Variants in CDC16 observed in about 807,000 individuals in gnomAD.
The protein encoded by CDC16 is cell division cycle 16.
A neutral mutation model predicts 87.0 loss-of-function variants in CDC16; 34 were observed. That is an observed-to-expected ratio of 0.39 (90% CI 0.30 to 0.52). The LOEUF (loss-of-function observed/expected upper bound fraction) is 0.52. Among genes scored for constraint, CDC16 ranks in the 20% least tolerant of loss-of-function variants. CDC16 has a pLI of 0.74. For synonymous variants in CDC16, 263 were observed against 260.6 expected, an observed-to-expected ratio of 1.01 and a Z score of -0.09; for missense variants, 653 against 751.9, an observed-to-expected ratio of 0.87 and a Z score of 1.54.
At chr13:114,238,715 G>T (rs1393503123) in intron 3 of CDC16, among the ~76,000 whole-genome samples, 1 of 152,152 alleles carries the variant, frequency 6.6e-6, no homozygotes, top group African/African-American at 2.4e-5. Context: ...GATGCTTTCT[G>T]TTGCCCCGTT....
intron 5 of CDC16, among the ~76,000 whole-genome samples, chr13:114,240,366 T>C (rs1356232456): frequency 1.3e-5 from 2 of 152,070 alleles, no homozygotes; most frequent in Admixed American, 6.5e-5. Flanking sequence ...CCCGCCACCA[T>C]GCCCGGCTAA....
chr13:114,241,637 G>A (rs563966578), intron 5 of CDC16, among the ~76,000 whole-genome samples: 18 of 152,314 alleles, frequency 1.2e-4, no homozygotes, highest in African/African-American at 4.3e-4. Context: ...GTGAATTGAA[G>A]AAGCTTTGCT....
intron 12 of CDC16, among the ~76,000 whole-genome samples, chr13:114,255,228 T>C (rs1338158201): frequency 2.6e-5 from 4 of 152,190 alleles, no homozygotes; most frequent in African/African-American, 9.7e-5. Context: ...AATTTTGTTT[T>C]TCAAAGAAGC....
At chr13:114,265,085 A>C (rs1233375078) in intron 16 of CDC16, 65 bp from the exon 17 acceptor site, 10 of 1,156,214 alleles carry the variant, frequency 8.6e-6, no homozygotes, top group South Asian at 6.1e-5. Context: ...TTTTGAAATG[A>C]ATCAGTGTGG....
intron 17 of CDC16, among the ~76,000 whole-genome samples, chr13:114,265,932 C>T (rs2083183467): frequency 6.6e-6 from 1 of 152,162 alleles, no homozygotes; most frequent in Non-Finnish European, 1.5e-5. Flanking sequence ...TCTCCTACCT[C>T]AGCCTCCTGA....
rs57962178 is a variant in CDC16 at position 114,245,271 on chromosome 13, CT to C, written c.847+314del. Reference sequence around the variant, plus strand: ...GGGTGTCAGTTCTGCCTCCCCCCCCCTTTTTTTTTTTTGTAAATTCCACTGG... The same window carrying C: ...GGGTGTCAGTTCTGCCTCCCCCCCCCTTTTTTTTTTTGTAAATTCCACTGG... On this transcript the variant is annotated intron_variant, in intron 9 of 17. Coordinates refer to ENST00000356221, the MANE Select transcript of CDC16 (RefSeq NM_001078645.3). Among the ~76,000 whole-genome samples the C allele has an allele frequency of 8.8e-3, 1,244 of 141,874 alleles. 13 individuals are homozygous for C. Among genetic ancestry groups the C allele is most frequent in the African/African-American group, 0.014 (561 of 38,954 alleles). 93.1% of individuals were successfully genotyped at this position (141,874 alleles called of 152,430 possible). A position where few individuals can be genotyped will look rare whatever the true frequency, so the allele number is the denominator to read the frequency against.
intron 12 of CDC16, among the ~76,000 whole-genome samples, chr13:114,253,655 C>T (rs974624819): frequency 1.3e-5 from 2 of 149,844 alleles, no homozygotes; most frequent in African/African-American, 2.5e-5. Context: ...CACCACTGCA[C>T]TCCAGCCTGG....
chr13:114,267,175 T>G (rs915673855), intron 17 of CDC16, among the ~76,000 whole-genome samples: 4 of 152,152 alleles, frequency 2.6e-5, no homozygotes, highest in Non-Finnish European at 4.4e-5. Flanking sequence ...GATGAAAATT[T>G]AGAGAATATC....
Position 114,265,231 on chromosome 13 carries a change from G to T in CDC16, c.1594G>T (p.Ala532Ser), listed in dbSNP as rs1236919400. 6.3e-7 allele frequency: 1 copy of T among 1,593,192 alleles called. No individual in the cohort carries two copies. The highest frequency in any genetic ancestry group is 1.1e-5 in the South Asian group (1 of 90,666). The change falls in exon 17 of 18, where the codon GCT becomes TCT. Residue 532 changes from alanine (A) to serine (S), a missense_variant. Physicochemically the swap from Ala to Ser is moderately conservative, Grantham distance 99. Coordinates refer to ENST00000356221, the MANE Select transcript of CDC16 (RefSeq NM_001078645.3). The stretch of plus-strand genomic sequence containing the variant: ...CGAAATGTACATTGGTGATTCTGAA[G>T]CTTATATTGGTAAGATAATCGTTAT... The part of the protein sequence containing the change: ...CIEMYIGDSE[A>S]YIGADIKDKL...
chr13:114,253,919 T>C (rs2082346842), intron 12 of CDC16, among the ~76,000 whole-genome samples: 2 of 152,212 alleles, frequency 1.3e-5, no homozygotes, highest in African/African-American at 4.8e-5. Context: ...TATTGTTGAA[T>C]TGTGTATTTC....
chr13:114,237,997 G>A (rs2081339745), intron 3 of CDC16, among the ~76,000 whole-genome samples: 1 of 152,210 alleles, frequency 6.6e-6, no homozygotes, highest in African/African-American at 2.4e-5. Context: ...TCTCCACTCT[G>A]CGTCTAATCC....
At chr13:114,271,480 G>T (rs1485645344) in intron 17 of CDC16, among the ~76,000 whole-genome samples, 2 of 150,950 alleles carry the variant, frequency 1.3e-5, no homozygotes, top group Non-Finnish European at 2.9e-5. Flanking sequence ...GCACAGCACA[G>T]TTCTTTTTTT....
chr13:114,240,177 T>C (rs2081473426), intron 5 of CDC16, among the ~76,000 whole-genome samples: 1 of 152,132 alleles, frequency 6.6e-6, no homozygotes, highest in South Asian at 2.1e-4. Flanking sequence ...CTGTAAGCCT[T>C]ACCTGACCTA....
Position 114,243,308 on chromosome 13 carries a change from A to C in CDC16, c.593A>C (p.Gln198Pro), listed in dbSNP as rs1337710224. ...LPLSKLCNEE[Q>P]ELLRFLFENK... Reference sequence around the variant, plus strand: ...CTTAGCAAGCTGTGTAATGAAGAACAGGAATTGCTGCGTTTTCTATTTGAG... The same window carrying C: ...CTTAGCAAGCTGTGTAATGAAGAACCGGAATTGCTGCGTTTTCTATTTGAG... The change falls in exon 7 of 18, where the codon CAG becomes CCG. Residue 198 changes from glutamine to proline, a missense_variant. Gln to Pro is a moderately conservative substitution (Grantham distance 76). Transcript: ENST00000356221. 5 of 1,593,958 alleles carry C rather than the reference A, an allele frequency of 3.1e-6. No individual in the cohort carries two copies. The highest frequency in any genetic ancestry group is 1.3e-5 in the African/African-American group (1 of 74,562).
chr13:114,251,036 G>A (rs533157673), intron 12 of CDC16, among the ~76,000 whole-genome samples: 3 of 152,284 alleles, frequency 2.0e-5, no homozygotes, highest in East Asian at 1.9e-4. Context: ...TTAGTGGTAG[G>A]TGCAGGACTG....
In CDC16 at chr13:114,234,983, CGG is replaced by C; in HGVS notation, c.-101_-100del. 2 of 953,914 alleles carry C rather than the reference CGG, an allele frequency of 2.1e-6. No individual in the cohort carries two copies. The highest frequency in any genetic ancestry group is 2.7e-6 in the Non-Finnish European group (2 of 732,668). 59.1% of individuals were successfully genotyped at this position (953,914 alleles called of 1,614,324 possible). A position where few individuals can be genotyped will look rare whatever the true frequency, so the allele number is the denominator to read the frequency against. On this transcript the variant is annotated 5_prime_UTR_variant, in exon 1 of 18. Transcript: ENST00000356221. ...CGGCCTTCGAGTCCTGGGGCGGCGG[CGG>C]CGGCTGCAGGCACGGGCACGGGCAC...
chr13:114,270,243 G>A (rs1196066559), intron 17 of CDC16, among the ~76,000 whole-genome samples: 1 of 152,146 alleles, frequency 6.6e-6, no homozygotes, highest in Non-Finnish European at 1.5e-5. Context: ...AGAAGGCTAA[G>A]TGGGGAGCCA....
Position 114,244,006 on chromosome 13 carries a change from A to AT in CDC16, c.767+22dup, listed in dbSNP as rs755093340. The stretch of plus-strand genomic sequence containing the variant: ...TACTTCTGTGTAAGTATATCCATCC[A>AT]TTTTTCTGTAGGAACATGGAGTTCA... On this transcript the variant is annotated intron_variant, in intron 8 of 17. Transcript: ENST00000356221. The AT allele has an allele frequency of 6.3e-7, 1 of 1,587,986 alleles. No homozygotes were observed. Among genetic ancestry groups the AT allele is most frequent in the East Asian group, 2.2e-5 (1 of 44,516 alleles).
intron 5 of CDC16, among the ~76,000 whole-genome samples, chr13:114,240,400 G>A (rs532704962): frequency 1.1e-4 from 16 of 152,210 alleles, no homozygotes; most frequent in African/African-American, 3.4e-4. Context: ...TAGTAGAGAC[G>A]GGGTTTCACC....
Sources: gnomAD v4.1 joint callset for allele counts (sites outside exome capture counted in the v4.1 genomes callset) on GRCh38, gnomAD v4.1.1 for gene constraint, MANE v1.5 for transcripts, NCBI Gene and HGNC (gene_info 2026-07-23, HGNC 2026-07-21) for gene names.